Variants in NYAP2 observed in about 807,000 individuals in gnomAD.
NYAP2 encodes neuronal tyrosine-phosphorylated phosphoinositide-3-kinase adaptor 2.
In NYAP2, 23 loss-of-function variants were observed where a neutral mutation model predicts 50.4. The ratio of observed to expected loss-of-function variants is 0.46; its 90% confidence interval spans 0.33 to 0.65. NYAP2 has a LOEUF of 0.65. Ranked by LOEUF, NYAP2 falls within the 30% of genes least tolerant of loss-of-function variation. The pLI, the probability that NYAP2 is intolerant of heterozygous loss-of-function variation, is 0.02. For synonymous variants in NYAP2, 394 were observed against 365.2 expected (o/e 1.08, Z -0.90); for missense variants, 885 against 861.0 (o/e 1.03, Z -0.35).
chr2:225,499,575 C>A (rs1690568029), intron 3 of NYAP2, among the ~76,000 whole-genome samples: 1 of 152,054 alleles, frequency 6.6e-6, no homozygotes, highest in African/African-American at 2.4e-5. Flanking sequence ...CTTGGCCTCC[C>A]AAAGTGCTGG....
chr2:225,411,728 T>C (rs959586705), intron 3 of NYAP2, among the ~76,000 whole-genome samples: 9 of 152,074 alleles, frequency 5.9e-5, no homozygotes, highest in Admixed American at 1.3e-4. Context: ...GTATGATGCC[T>C]TAGAGTGAAG....
rs908924009 is a variant in NYAP2, at chr2:225,522,848, C to T, written c.523+9176C>T. ...AACACGTGCCTTTCTTTCATGTAAT[C>T]GGGTGTTTATCTAGAGAATAAATGG... On this transcript the variant is annotated intron_variant, in intron 4 of 6. Coordinates refer to ENST00000636099, the Ensembl canonical transcript of NYAP2. Among the ~76,000 whole-genome samples the T allele has an allele frequency of 7.2e-5, 11 of 152,078 alleles. No homozygotes were observed. The East Asian group carries it at 1.2e-3, about 16-fold the overall frequency.
intron 4 of NYAP2, among the ~76,000 whole-genome samples, chr2:225,565,230 C>T (rs552134274): frequency 1.3e-5 from 2 of 151,988 alleles, no homozygotes; most frequent in Non-Finnish European, 2.9e-5. Context: ...TTAGTTGCAC[C>T]TTCAATTAAA....
chr2:225,694,347 A>G, the NYAP2 span, among the ~76,000 whole-genome samples: 3 of 151,944 alleles, frequency 2.0e-5, no homozygotes, highest in South Asian at 6.2e-4. Context: ...GATAAAAGAA[A>G]AGAAAATAGA....
chr2:225,635,795 G>C (rs1268453354), intron 6 of NYAP2, among the ~76,000 whole-genome samples: 1 of 152,150 alleles, frequency 6.6e-6, no homozygotes, highest in Non-Finnish European at 1.5e-5. Context: ...TTGCTACATC[G>C]TACACAGTTA....
intron 4 of NYAP2, among the ~76,000 whole-genome samples, chr2:225,536,584 A>C (rs1691355060): frequency 6.6e-6 from 1 of 152,080 alleles, no homozygotes; most frequent in Non-Finnish European, 1.5e-5. Context: ...AATGGGGTAC[A>C]TAAGATATTT....
chr2:225,669,237 ATCTC>A, the NYAP2 span, among the ~76,000 whole-genome samples: 1 of 152,072 alleles, frequency 6.6e-6, no homozygotes, highest in Admixed American at 6.6e-5. Flanking sequence ...TCATGACTCT[ATCTC>A]TTTCTTTTTA....
intron 3 of NYAP2, among the ~76,000 whole-genome samples, chr2:225,433,787 A>C (rs982032582): frequency 4.6e-5 from 6 of 129,750 alleles, no homozygotes; most frequent in African/African-American, 1.4e-4. Context: ...ACTGCGCTCC[A>C]GCCTGGGCGA....
intron 3 of NYAP2, among the ~76,000 whole-genome samples, chr2:225,504,930 C>T (rs1004176094): frequency 2.0e-5 from 3 of 151,866 alleles, no homozygotes; most frequent in African/African-American, 2.4e-5. Context: ...GTTGCTTGAA[C>T]CTGGGAGGCA....
chr2:225,670,605 CAAAAAA>C, the NYAP2 span, among the ~76,000 whole-genome samples: 6 of 78,550 alleles, frequency 7.6e-5, no homozygotes, highest in Non-Finnish European at 1.8e-4. Flanking sequence ...CAGTATTTTC[CAAAAAA>C]AAAAAAAAAA....
At chr2:225,584,599 A>AC in intron 5 of NYAP2, among the ~76,000 whole-genome samples, 1 of 152,288 alleles carries the variant, frequency 6.6e-6, no homozygotes, top group South Asian at 2.1e-4. Flanking sequence ...ACTTTCCTTA[A>AC]AGGAAAAGAA....
the NYAP2 span, among the ~76,000 whole-genome samples, chr2:225,697,978 C>T: frequency 6.6e-6 from 1 of 151,656 alleles, no homozygotes. Flanking sequence ...TTTGAGACCA[C>T]ACTGGGCAAT....
intron 5 of NYAP2, among the ~76,000 whole-genome samples, chr2:225,598,858 C>T (rs143715719): frequency 7.9e-5 from 12 of 152,312 alleles, no homozygotes; most frequent in Admixed American, 7.8e-4. Flanking sequence ...TTAATATTCA[C>T]TCCTCACACT....
Position 225,545,493 on chromosome 2 carries a change from T to C in NYAP2, c.523+31821T>C, listed in dbSNP as rs181908969. ...AGTGACTCTGATACATTCTTCAGTA[T>C]GTCAATTGCATTTTCAACTCCAAAA... On this transcript the variant is annotated intron_variant, in intron 4 of 6. Transcript: ENST00000636099. Among the ~76,000 whole-genome samples the C allele has an allele frequency of 1.2e-4, 18 of 152,284 alleles. 1 individual carries two copies. The highest frequency in any genetic ancestry group is 4.1e-4 in the African/African-American group (17 of 41,568).
At chr2:225,552,469 T>C (rs929992055) in intron 4 of NYAP2, among the ~76,000 whole-genome samples, 1 of 152,216 alleles carries the variant, frequency 6.6e-6, no homozygotes, top group Non-Finnish European at 1.5e-5. Context: ...TATTTGGAGA[T>C]GAGGCCTTTG....
At chr2:225,642,074 C>T (rs999571015) in intron 6 of NYAP2, among the ~76,000 whole-genome samples, 7 of 152,034 alleles carry the variant, frequency 4.6e-5, no homozygotes, top group Non-Finnish European at 5.9e-5. Context: ...ATGGTTCCTG[C>T]TTTCAAAGAG....
intron 3 of NYAP2, among the ~76,000 whole-genome samples, chr2:225,497,554 T>C (rs377175201): frequency 7.9e-5 from 12 of 152,360 alleles, no homozygotes; most frequent in African/African-American, 2.9e-4. Flanking sequence ...AAATGCTTTT[T>C]GTTGTTAAGT....
At chr2:225,693,960 T>C in the NYAP2 span, among the ~76,000 whole-genome samples, 1 of 152,090 alleles carries the variant, frequency 6.6e-6, no homozygotes, top group Non-Finnish European at 1.5e-5. Context: ...AAGCTTCACT[T>C]GATTTTATTT....
rs188224250 is a variant in NYAP2, at chr2:225,457,342, A to T, written c.221+48241A>T. ...GAAGGTATGCTAATATTTATGAGTA[A>T]ATTTCACCTTCATTGAAGGGCAGAT... On this transcript the variant is annotated intron_variant, in intron 3 of 6. Coordinates refer to ENST00000636099, the Ensembl canonical transcript of NYAP2. Among the ~76,000 whole-genome samples, 140 of 152,268 alleles carry T rather than the reference A, an allele frequency of 9.2e-4. 2 individuals are homozygous for T. Among genetic ancestry groups the T allele is most frequent in the African/African-American group, 3.3e-3 (136 of 41,528 alleles).
Sources: gnomAD v4.1 joint callset for allele counts (sites outside exome capture counted in the v4.1 genomes callset) on GRCh38, gnomAD v4.1.1 for gene constraint, MANE v1.5 for transcripts, NCBI Gene and HGNC (gene_info 2026-07-23, HGNC 2026-07-21) for gene names.